Variants in SUN1 observed in about 807,000 individuals in gnomAD.
SUN1 encodes the protein Sad1 and UNC84 domain containing 1.
Under a neutral mutation model 103.2 loss-of-function variants are expected in SUN1, and 61 were observed. The ratio of observed to expected loss-of-function variants is 0.59; its 90% confidence interval spans 0.48 to 0.73. The LOEUF (loss-of-function observed/expected upper bound fraction) is 0.73. SUN1 is among the 30% of genes least tolerant of loss of function. The pLI is 0.00. For missense variants in SUN1, 1,052 were observed against 1,034.6 expected (o/e 1.02, Z -0.23); for synonymous variants, 490 against 425.7 (o/e 1.15, Z -1.86).
rs995451889 is a variant in SUN1, at chr7:835,259, G to A, written c.77+2658G>A. Among the ~76,000 whole-genome samples the A allele has an allele frequency of 3.8e-3, 572 of 152,312 alleles. 3 individuals carry two copies. Among genetic ancestry groups the A allele is most frequent in the African/African-American group, 0.012 (508 of 41,564 alleles). ...CTTCAGTTCACGGGTTCCCCAGCCC[G>A]CTGTCCTGCACCAGTGGCCTGGCAC... On this transcript the variant is annotated intron_variant, in intron 1 of 18. Coordinates refer to ENST00000401592, the MANE Select transcript of SUN1 (RefSeq NM_001130965.3).
intron 12 of SUN1, 36 bp from the exon 13 acceptor site, chr7:857,792 G>T: frequency 6.5e-7 from 1 of 1,535,368 alleles, no homozygotes; most frequent in Non-Finnish European, 8.8e-7. Context: ...AGGCTGGGAG[G>T]CTTGTGTGTG....
intron 5 of SUN1, chr7:850,529 A>G (rs778160383): frequency 1.4e-4 from 22 of 156,428 alleles, no homozygotes; most frequent in Non-Finnish European, 2.4e-4. Flanking sequence ...ATGAATAAAC[A>G]TAAAGCCATT....
At chr7:823,879 G>A (rs998657007) in intron 1 of SUN1, among the ~76,000 whole-genome samples, 3 of 152,142 alleles carry the variant, frequency 2.0e-5, no homozygotes, top group South Asian at 2.1e-4. Context: ...ACATCCAGGC[G>A]GAAATGCCCA....
At chr7:821,843 A>G (rs574294069) in intron 1 of SUN1, among the ~76,000 whole-genome samples, 3 of 152,342 alleles carry the variant, frequency 2.0e-5, no homozygotes, top group East Asian at 1.9e-4. Context: ...GGGGTTCATC[A>G]GGCAGATTGG....
Position 873,280 on chromosome 7 carries a change from T to C in SUN1, c.2307T>C (p.Pro769=), listed in dbSNP as rs201787522. 24 of 1,614,154 alleles carry C rather than the reference T, an allele frequency of 1.5e-5. No homozygotes were observed. The highest frequency in any genetic ancestry group is 1.9e-5 in the Non-Finnish European group (23 of 1,180,066). The change falls in exon 19 of 19, where the codon CCT becomes CCC. Residue 769 remains proline (P), a synonymous_variant. Transcript: ENST00000401592. ...ELRIFSNWGH[P]EYTCLYRFRV... ...GGATTTTTTCTAACTGGGGCCATCC[T>C]GAGTATACCTGTCTGTATCGGTTCA... is the stretch of plus-strand genomic sequence containing the variant.
At chr7:826,757 G>C (rs185023532) in intron 1 of SUN1, among the ~76,000 whole-genome samples, 3 of 152,184 alleles carry the variant, frequency 2.0e-5, no homozygotes, top group Non-Finnish European at 4.4e-5. Flanking sequence ...AGTCCACATC[G>C]TCAGTGACCA....
intron 16 of SUN1, among the ~76,000 whole-genome samples, chr7:868,095 C>A (rs1459387047): frequency 6.6e-6 from 1 of 152,208 alleles, no homozygotes; most frequent in East Asian, 1.9e-4. Flanking sequence ...CCACAGCTGG[C>A]ATAGAGGAGA....
At chr7:834,342 G>T (rs969287381) in intron 1 of SUN1, among the ~76,000 whole-genome samples, 1 of 152,214 alleles carries the variant, frequency 6.6e-6, no homozygotes, top group Non-Finnish European at 1.5e-5. Context: ...CTGTCCAGGA[G>T]ATGGCCGGAG....
At chr7:870,448 G>A (rs1235954728) in intron 17 of SUN1, among the ~76,000 whole-genome samples, 1 of 151,730 alleles carries the variant, frequency 6.6e-6, no homozygotes, top group African/African-American at 2.4e-5. Flanking sequence ...AAGTTAGCCA[G>A]GCTTATGCGT....
intron 15 of SUN1, among the ~76,000 whole-genome samples, chr7:865,645 G>C (rs762852408): frequency 6.6e-6 from 1 of 152,110 alleles, no homozygotes; most frequent in African/African-American, 2.4e-5. Flanking sequence ...TCTGTTTTTA[G>C]TTTTCTTGGG....
At chr7:829,025 C>T (rs558282512), upstream of SUN1, among the ~76,000 whole-genome samples, 1 of 152,362 alleles carries the variant, frequency 6.6e-6, no homozygotes, top group South Asian at 2.1e-4. Context: ...CCATGCCAGG[C>T]ATGACACTCA....
chr7:819,037 A>G (rs1783570595), intron 1 of SUN1, among the ~76,000 whole-genome samples: 1 of 151,738 alleles, frequency 6.6e-6, no homozygotes, highest in African/African-American at 2.4e-5. Flanking sequence ...CTAATTTTGT[A>G]TTTTTAGTAG....
chr7:844,916 G>C (rs149622939), intron 5 of SUN1, among the ~76,000 whole-genome samples: 220 of 152,302 alleles, frequency 1.4e-3, no homozygotes, highest in Middle Eastern at 6.8e-3. Context: ...GGGCCCCGGG[G>C]GTGCTGCACG....
chr7:821,797 G>A (rs371383608), intron 1 of SUN1, among the ~76,000 whole-genome samples: 3 of 152,156 alleles, frequency 2.0e-5, no homozygotes, highest in Non-Finnish European at 4.4e-5. Context: ...CCAGTTAAGC[G>A]GTCCTGAACA....
At chr7:845,141 G>C (rs370095167) in intron 5 of SUN1, among the ~76,000 whole-genome samples, 84 of 152,266 alleles carry the variant, frequency 5.5e-4, no homozygotes, top group African/African-American at 1.8e-3. Context: ...GTCTCCCTAC[G>C]CGTGTTGTAG....
At chr7:870,040 C>CAA (rs1185142510) in intron 17 of SUN1, among the ~76,000 whole-genome samples, 2 of 92,842 alleles carry the variant, frequency 2.2e-5, no homozygotes, top group South Asian at 6.5e-4. Context: ...CTAAAATATA[C>CAA]AAAAAAAAAA....
intron 1 of SUN1, among the ~76,000 whole-genome samples, chr7:820,818 T>C (rs1338500288): frequency 6.6e-6 from 1 of 152,212 alleles, no homozygotes; most frequent in Non-Finnish European, 1.5e-5. Flanking sequence ...CTTTGCCTAA[T>C]TGCTTCTTGA....
intron 17 of SUN1, among the ~76,000 whole-genome samples, chr7:870,490 G>A (rs1267312287): frequency 2.0e-5 from 3 of 151,998 alleles, no homozygotes; most frequent in African/African-American, 7.3e-5. Context: ...GGAGGCTGAG[G>A]CATGAAGATC....
At chr7:867,606 CA>C in intron 16 of SUN1, among the ~76,000 whole-genome samples, 1 of 152,330 alleles carries the variant, frequency 6.6e-6, no homozygotes. Flanking sequence ...AGTTCTCTCT[CA>C]GAAGGAAGTG....
Sources: allele counts gnomAD v4.1 joint callset (sites outside exome capture counted in the v4.1 genomes callset), GRCh38; gene constraint gnomAD v4.1.1; transcripts MANE v1.5; gene names NCBI Gene and HGNC (gene_info 2026-07-23, HGNC 2026-07-21).